The following PTPRD variants were observed in gnomAD, a reference collection of about 807,000 sequenced individuals.
PTPRD encodes protein tyrosine phosphatase receptor type D.
A neutral mutation model predicts 214.5 loss-of-function variants in PTPRD; 34 were observed. That is an observed-to-expected ratio of 0.16 (90% CI 0.12 to 0.21). PTPRD has a LOEUF of 0.21. Among genes scored for constraint, PTPRD ranks in the 10% least tolerant of loss-of-function variants. The pLI is 1.00. For synonymous variants in PTPRD, 1,128 were observed against 845.7 expected, an observed-to-expected ratio of 1.33 and a Z score of -5.79; for missense variants, 2,545 against 2,398.7, an observed-to-expected ratio of 1.06 and a Z score of -1.27.
intron 14 of PTPRD, among the ~76,000 whole-genome samples, chr9:8,575,565 G>A (rs1216697463): frequency 6.6e-6 from 1 of 152,054 alleles, no homozygotes; most frequent in Admixed American, 6.6e-5. Flanking sequence ...CGATAATCTA[G>A]ACCAGTGTCT....
intron 11 of PTPRD, among the ~76,000 whole-genome samples, chr9:8,743,172 T>C (rs916014298): frequency 4.6e-5 from 7 of 152,142 alleles, no homozygotes; most frequent in East Asian, 1.9e-4. Flanking sequence ...CCACCAATTT[T>C]AGGTGTTTTC....
At chr9:9,301,580 CT>C (rs1287923266) in intron 9 of PTPRD, among the ~76,000 whole-genome samples, 1 of 151,794 alleles carries the variant, frequency 6.6e-6, no homozygotes, top group Non-Finnish European at 1.5e-5. Context: ...ATTTTTGAAT[CT>C]CGAGTTCATC....
At chr9:8,599,951 G>T (rs924692127) in intron 14 of PTPRD, among the ~76,000 whole-genome samples, 11 of 152,080 alleles carry the variant, frequency 7.2e-5, no homozygotes, top group Non-Finnish European at 1.5e-5. Context: ...CAAAAATCAA[G>T]TGAGCACTCG....
At chr9:10,168,301 GA>G (rs2099172032) in intron 3 of PTPRD, among the ~76,000 whole-genome samples, 1 of 151,984 alleles carries the variant, frequency 6.6e-6, no homozygotes, top group South Asian at 2.1e-4. Context: ...TATAGATCAT[GA>G]GATGTAAAAG....
intron 4 of PTPRD, among the ~76,000 whole-genome samples, chr9:9,970,150 T>C (rs759062794): frequency 6.6e-5 from 10 of 151,996 alleles, no homozygotes; most frequent in Non-Finnish European, 1.3e-4. Flanking sequence ...AACCAGCAAA[T>C]GGTTTTAGTC....
chr9:10,351,866 G>C (rs761827047), intron 2 of PTPRD, among the ~76,000 whole-genome samples: 23 of 151,972 alleles, frequency 1.5e-4, no homozygotes, highest in Non-Finnish European at 3.1e-4. Flanking sequence ...ATAGTGAAAG[G>C]GGATGGGTCA....
At chr9:10,557,160 G>A (rs1007779713) in intron 2 of PTPRD, among the ~76,000 whole-genome samples, 2 of 152,054 alleles carry the variant, frequency 1.3e-5, no homozygotes, top group African/African-American at 2.4e-5. Context: ...AATAACAGAA[G>A]ATTTATATTA....
At chr9:9,427,148 G>A (rs925638873) in intron 8 of PTPRD, among the ~76,000 whole-genome samples, 2 of 152,152 alleles carry the variant, frequency 1.3e-5, no homozygotes, top group South Asian at 4.1e-4. Flanking sequence ...CCGTTACAAA[G>A]AAGCTAAAAA....
At chr9:9,261,845 G>A (rs1185425446) in intron 9 of PTPRD, among the ~76,000 whole-genome samples, 2 of 151,750 alleles carry the variant, frequency 1.3e-5, no homozygotes, top group African/African-American at 2.4e-5. Flanking sequence ...GTGGAAGTGA[G>A]AAAGAATAAA....
intron 11 of PTPRD, among the ~76,000 whole-genome samples, chr9:8,760,804 A>G (rs1267479675): frequency 1.3e-5 from 2 of 152,206 alleles, no homozygotes; most frequent in African/African-American, 2.4e-5. Context: ...GAAAAAAACA[A>G]AAGGTTTTAT....
chr9:10,509,557 T>TTATACATATATATATATATATATA (rs2047262619), intron 2 of PTPRD, among the ~76,000 whole-genome samples: 7 of 106,688 alleles, frequency 6.6e-5, no homozygotes, highest in Non-Finnish European at 1.3e-4. Context: ...TTAATAAATA[T>TTATACATATATATATATATATATA]TATATATATA....
At chr9:8,725,019 A>G (rs1166871908) in intron 12 of PTPRD, among the ~76,000 whole-genome samples, 1 of 152,244 alleles carries the variant, frequency 6.6e-6, no homozygotes, top group Admixed American at 6.5e-5. Flanking sequence ...TTTAGTTAAC[A>G]GTACTGTGCA....
Position 8,434,388 on chromosome 9 carries a change from GC to G in PTPRD, c.4086+2203del, listed in dbSNP as rs2095254320. Among the ~76,000 whole-genome samples, 4 of 152,282 alleles carry G rather than the reference GC, an allele frequency of 2.6e-5. No homozygotes were observed. The South Asian group carries it at 8.3e-4, about 32-fold the overall frequency. On this transcript the variant is annotated intron_variant, in intron 35 of 45. Transcript: ENST00000381196. ...AAGGATTGTAGCCTAGAAGCAATGG[GC>G]TATACCATATAGCTTAAGTGTATAA...
intron 3 of PTPRD, among the ~76,000 whole-genome samples, chr9:10,285,748 T>C (rs927828498): frequency 6.6e-6 from 1 of 151,808 alleles, no homozygotes; most frequent in Non-Finnish European, 1.5e-5. Context: ...GTAGCTGGGA[T>C]TACAGGCGCC....
intron 12 of PTPRD, among the ~76,000 whole-genome samples, chr9:8,686,682 G>T (rs1348624049): frequency 6.6e-6 from 1 of 152,050 alleles, no homozygotes; most frequent in Non-Finnish European, 1.5e-5. Flanking sequence ...CCAGAAACTT[G>T]GCTCTACCAA....
In PTPRD at chr9:9,572,624, G is replaced by GTA. The variant is rs566002218; in HGVS notation, c.-237+2106_-237+2107dup. 1.5e-3 allele frequency among the ~76,000 whole-genome samples: 218 copies of GTA among 145,456 alleles called. 3 individuals are homozygous for GTA. The highest frequency in any genetic ancestry group is 4.9e-3 in the African/African-American group (197 of 39,922). ...GTGTATATATATATCATACATATATGTATATATATGTATTTATGTATAAAC... is the reference window on the plus strand; with the variant it reads ...GTGTATATATATATCATACATATATGTATATATATATGTATTTATGTATAAAC... On this transcript the variant is annotated intron_variant, in intron 8 of 45. Transcript: ENST00000381196.
intron 27 of PTPRD, among the ~76,000 whole-genome samples, chr9:8,490,140 T>TA (rs1430679494): frequency 6.6e-6 from 1 of 152,178 alleles, no homozygotes; most frequent in Admixed American, 6.5e-5. Flanking sequence ...CTTAAATAAT[T>TA]ACTCAGGGGA....
chr9:8,951,096 A>C (rs996597355), intron 11 of PTPRD, among the ~76,000 whole-genome samples: 1 of 150,586 alleles, frequency 6.6e-6, no homozygotes, highest in Non-Finnish European at 1.5e-5. Context: ...TTTAAGGCTA[A>C]AAGTTTATGT....
At chr9:10,375,130 T>G (rs190204203) in intron 2 of PTPRD, among the ~76,000 whole-genome samples, 1 of 152,028 alleles carries the variant, frequency 6.6e-6, no homozygotes, top group Non-Finnish European at 1.5e-5. Flanking sequence ...AAATAGACAA[T>G]TTACTTTTTC....
Sources: gnomAD v4.1 joint callset for allele counts (sites outside exome capture counted in the v4.1 genomes callset) on GRCh38, gnomAD v4.1.1 for gene constraint, MANE v1.5 for transcripts, NCBI Gene and HGNC (gene_info 2026-07-23, HGNC 2026-07-21) for gene names.